Variants in PCMT1 observed in about 807,000 individuals in gnomAD.
PCMT1 encodes protein-L-isoaspartate(D-aspartate) O-methyltransferase.
In PCMT1, 9 loss-of-function variants were observed where a neutral mutation model predicts 29.2. The observed-to-expected ratio is 0.31, with a 90% CI of 0.19 to 0.54. The LOEUF (loss-of-function observed/expected upper bound fraction) is 0.54. Ranked by LOEUF, PCMT1 falls within the 20% of genes least tolerant of loss-of-function variation. The pLI, the probability that PCMT1 is intolerant of heterozygous loss-of-function variation, is 0.95. For synonymous variants in PCMT1, 98 were observed against 97.5 expected, an observed-to-expected ratio of 1.00 and a Z score of -0.03; for missense variants, 184 against 282.2, an observed-to-expected ratio of 0.65 and a Z score of 2.49.
intron 1 of PCMT1, among the ~76,000 whole-genome samples, chr6:149,766,083 T>G (rs964814389): frequency 6.6e-6 from 1 of 152,172 alleles, no homozygotes; most frequent in Non-Finnish European, 1.5e-5. Flanking sequence ...ACTTTCCCTT[T>G]TTTCCTCCTC....
intron 1 of PCMT1, chr6:149,765,877 A>G (rs779300287): frequency 5.5e-5 from 9 of 164,468 alleles, no homozygotes; most frequent in Non-Finnish European, 9.1e-5. Flanking sequence ...GAGGCAGGAG[A>G]ATTGCTTGAA....
chr6:149,802,112 G>C, intron 6 of PCMT1, 88 bp from the exon 7 acceptor site: 1 of 928,830 alleles, frequency 1.1e-6, no homozygotes, highest in Non-Finnish European at 1.5e-6. Context: ...CTGGGCGACA[G>C]AGTGAGACCC....
chr6:149,775,835 C>T (rs1787540104), intron 3 of PCMT1, among the ~76,000 whole-genome samples: 1 of 151,964 alleles, frequency 6.6e-6, no homozygotes, highest in South Asian at 2.1e-4. Context: ...GACCGGTAAG[C>T]CCAAAAGAAA....
chr6:149,763,528 A>T (rs1786950617), intron 1 of PCMT1, among the ~76,000 whole-genome samples: 1 of 152,056 alleles, frequency 6.6e-6, no homozygotes, highest in South Asian at 2.1e-4. Context: ...GCATGCTATT[A>T]ATAACAATTT....
intron 1 of PCMT1, among the ~76,000 whole-genome samples, chr6:149,768,582 C>G (rs1787186217): frequency 6.6e-6 from 1 of 151,074 alleles, no homozygotes; most frequent in Non-Finnish European, 1.5e-5. Context: ...CTCTGAGTAG[C>G]TGGGATCACA....
intron 6 of PCMT1, among the ~76,000 whole-genome samples, chr6:149,800,927 A>G (rs966557119): frequency 6.6e-6 from 1 of 152,238 alleles, no homozygotes; most frequent in Non-Finnish European, 1.5e-5. Flanking sequence ...TAGTTGGTTC[A>G]GTTCAAACAT....
rs775309207 is a variant in PCMT1, at chr6:149,761,730, A to G, written c.56-9432A>G. Among the ~76,000 whole-genome samples the G allele has an allele frequency of 5.3e-5, 8 of 152,310 alleles. No homozygotes were observed. In the South Asian group the frequency reaches 1.0e-3, roughly 20 times the overall value. On this transcript the variant is annotated intron_variant, in intron 1 of 7. Coordinates refer to ENST00000464889, the MANE Select transcript of PCMT1 (RefSeq NM_001360452.2). Reference sequence around the variant, plus strand: ...TACCTCTTAACCCATCTACTTGGTAAGAAAGGGTATTAGGGAGTTCCCGCT... The same window carrying G: ...TACCTCTTAACCCATCTACTTGGTAGGAAAGGGTATTAGGGAGTTCCCGCT...
At chr6:149,762,009 G>A (rs1387806690) in intron 1 of PCMT1, among the ~76,000 whole-genome samples, 1 of 151,790 alleles carries the variant, frequency 6.6e-6, no homozygotes, top group Non-Finnish European at 1.5e-5. Context: ...TTTTTCCTTT[G>A]TTTTTTAATG....
intron 3 of PCMT1, among the ~76,000 whole-genome samples, chr6:149,775,938 T>C (rs1330331618): frequency 6.6e-6 from 1 of 152,078 alleles, no homozygotes; most frequent in African/African-American, 2.4e-5. Context: ...AGTGGGCGAA[T>C]CACCAGAGGT....
chr6:149,768,406 T>C (rs1583017444), intron 1 of PCMT1, among the ~76,000 whole-genome samples: 1 of 151,280 alleles, frequency 6.6e-6, no homozygotes, highest in East Asian at 1.9e-4. Context: ...ATTTTTAAAA[T>C]TCTTATTATA....
chr6:149,752,994 A>G (rs1248928035), intron 1 of PCMT1, among the ~76,000 whole-genome samples: 2 of 152,218 alleles, frequency 1.3e-5, no homozygotes, highest in African/African-American at 4.8e-5. Context: ...ATAGTTTTAT[A>G]CTAGATTTAT....
chr6:149,791,063 C>T (rs3828701), intron 4 of PCMT1, among the ~76,000 whole-genome samples: 79,874 of 151,538 alleles, frequency 0.53, 23,982 homozygotes, highest in East Asian at 0.83. Flanking sequence ...AGGCTTAGCC[C>T]CGACAACTCA....
intron 1 of PCMT1, among the ~76,000 whole-genome samples, chr6:149,769,967 C>T (rs916216443): frequency 3.9e-5 from 6 of 152,036 alleles, no homozygotes; most frequent in South Asian, 2.1e-4. Context: ...GAGAAATTCA[C>T]GTCTCCTGGC....
At chr6:149,759,503 CTTTTTTTT>C (rs1421640943) in intron 1 of PCMT1, among the ~76,000 whole-genome samples, 10 of 151,206 alleles carry the variant, frequency 6.6e-5, no homozygotes, top group Admixed American at 2.0e-4. Flanking sequence ...TTCTTTCTTT[CTTTTTTTT>C]GAGATGGAGT....
intron 6 of PCMT1, chr6:149,797,754 T>C (rs1788673809): frequency 6.6e-6 from 1 of 152,322 alleles, no homozygotes; most frequent in South Asian, 2.1e-4. Context: ...TCATCCGTTT[T>C]TTTGGTAGGC....
chr6:149,751,767 A>G (rs1034815574), intron 1 of PCMT1, among the ~76,000 whole-genome samples: 1 of 151,804 alleles, frequency 6.6e-6, no homozygotes, highest in Non-Finnish European at 1.5e-5. Context: ...GGCGTGAGCC[A>G]CCGCGCCAGG....
intron 5 of PCMT1, chr6:149,794,846 T>C: frequency 2.0e-6 from 1 of 490,082 alleles, no homozygotes. Context: ...AAGTGACAGA[T>C]CACGGGATTC....
chr6:149,793,594 C>A lies in PCMT1; in HGVS notation c.343C>A (p.Leu115Ile). 6.4e-7 allele frequency: 1 copy of A among 1,558,838 alleles called. No individual in the cohort carries two copies. The highest frequency in any genetic ancestry group is 2.1e-5 in the Admixed American group (1 of 48,408). ...CATAGGAATTGATCACATTAAAGAG[C>A]TAGTAGATGACTCAGTAAATAATGT... Reference protein sequence around the residue: ...KVIGIDHIKELVDDSVNNVRK... With the variant: ...KVIGIDHIKEIVDDSVNNVRK... Residue 115 changes from leucine to isoleucine, a missense_variant, in exon 5 of 8, where the codon CTA becomes ATA. Transcript: ENST00000464889.
intron 1 of PCMT1, among the ~76,000 whole-genome samples, chr6:149,752,093 G>A (rs972398134): frequency 6.9e-6 from 1 of 145,334 alleles, no homozygotes; most frequent in South Asian, 2.2e-4. Context: ...TGCCCAGGCT[G>A]GTCTTGAACT....
Sources: allele counts gnomAD v4.1 joint callset (sites outside exome capture counted in the v4.1 genomes callset), GRCh38; gene constraint gnomAD v4.1.1; transcripts MANE v1.5; gene names NCBI Gene and HGNC (gene_info 2026-07-23, HGNC 2026-07-21).